Variants in SLC25A48 observed in about 807,000 individuals in gnomAD.
SLC25A48 encodes CTC-321K16.1.
In SLC25A48, 29 loss-of-function variants were observed where a neutral mutation model predicts 32.2. The ratio of observed to expected loss-of-function variants is 0.90; its 90% CI spans 0.67 to 1.23. The LOEUF (loss-of-function observed/expected upper bound fraction) is 1.23. SLC25A48 is among the 50% of genes most tolerant of loss of function. SLC25A48 has a pLI of 0.00. For synonymous variants in SLC25A48, 164 were observed against 172.3 expected, an observed-to-expected ratio of 0.95 and a Z score of 0.38; for missense variants, 399 against 422.7, an observed-to-expected ratio of 0.94 and a Z score of 0.49.
At chr5:135,678,402 T>C (rs1054134910) in intron 3 of SLC25A48, among the ~76,000 whole-genome samples, 5 of 152,200 alleles carry the variant, frequency 3.3e-5, no homozygotes, top group Non-Finnish European at 7.4e-5. Context: ...TCTATCTCTC[T>C]GGTAAATTTC....
At chr5:135,595,199 C>T (rs1396642297) in intron 1 of SLC25A48, among the ~76,000 whole-genome samples, 2 of 152,214 alleles carry the variant, frequency 1.3e-5, no homozygotes, top group Non-Finnish European at 2.9e-5. Flanking sequence ...TACCCTGCTC[C>T]ACTCTCATGC....
intron 3 of SLC25A48, among the ~76,000 whole-genome samples, chr5:135,782,866 C>T (rs559308387): frequency 8.5e-6 from 1 of 117,752 alleles, no homozygotes; most frequent in South Asian, 3.0e-4. Context: ...AATATCATAC[C>T]AGCTGTACAA....
chr5:135,645,491 C>T (rs951960610), intron 3 of SLC25A48, among the ~76,000 whole-genome samples: 13 of 152,070 alleles, frequency 8.5e-5, no homozygotes, highest in Admixed American at 4.6e-4. Context: ...AGCCACTAAG[C>T]GCAAAGCCTG....
intron 4 of SLC25A48, among the ~76,000 whole-genome samples, chr5:135,815,717 A>C (rs1161380001): frequency 6.6e-6 from 1 of 152,188 alleles, no homozygotes; most frequent in Non-Finnish European, 1.5e-5. Context: ...AGCCACATTC[A>C]CCAAGCCAGA....
chr5:135,888,169 G>T lies in SLC25A48; in HGVS notation c.*145G>T. On this transcript the variant is annotated 3_prime_UTR_variant, in exon 8 of 8. Coordinates refer to ENST00000681962, the MANE Select transcript of SLC25A48 (RefSeq NM_001349336.2). ...CGTGGGCTAGGATGGTGCAGACACT[G>T]ACGTGGCCCTTCTGATGCCTGGGAT... The T allele has an allele frequency of 7.3e-7, 1 of 1,366,030 alleles. No individual in the cohort carries two copies. The highest frequency in any genetic ancestry group is 1.0e-6 in the Non-Finnish European group (1 of 987,434). The allele number at this position is 1,366,030 out of a possible 1,614,324, so 84.6% of individuals were successfully genotyped here. A position where few individuals can be genotyped will look rare whatever the true frequency, so the allele number is the denominator to read the frequency against.
At chr5:135,860,766 G>A (rs549154475) in intron 4 of SLC25A48, among the ~76,000 whole-genome samples, 1 of 152,286 alleles carries the variant, frequency 6.6e-6, no homozygotes, top group South Asian at 2.1e-4. Flanking sequence ...CAGGGCTTTT[G>A]AGACTGATTG....
intron 6 of SLC25A48, among the ~76,000 whole-genome samples, chr5:135,879,370 C>T (rs6869653): frequency 0.096 from 14,673 of 152,058 alleles, 1,902 homozygotes; most frequent in African/African-American, 0.29. Context: ...TATTATTACC[C>T]GCCCCTTACA....
intron 3 of SLC25A48, among the ~76,000 whole-genome samples, chr5:135,743,364 G>A (rs1040711584): frequency 5.9e-5 from 9 of 151,732 alleles, no homozygotes; most frequent in African/African-American, 1.5e-4. Context: ...GAGCCACTAC[G>A]CTCAGCCTGG....
intron 3 of SLC25A48, among the ~76,000 whole-genome samples, chr5:135,713,284 G>T (rs1754714170): frequency 6.6e-6 from 1 of 152,288 alleles, no homozygotes; most frequent in Admixed American, 6.5e-5. Flanking sequence ...GCAGTATAAT[G>T]GCTTTCAACG....
At chr5:135,879,599 A>AGTGTGT (rs1435731336) in intron 6 of SLC25A48, among the ~76,000 whole-genome samples, 60 of 139,194 alleles carry the variant, frequency 4.3e-4, no homozygotes, top group Non-Finnish European at 7.1e-4. Context: ...AGAGAGAGAG[A>AGTGTGT]GAGAGAGAGA....
intron 3 of SLC25A48, among the ~76,000 whole-genome samples, chr5:135,663,070 C>T (rs1753442461): frequency 6.6e-6 from 1 of 152,320 alleles, no homozygotes; most frequent in East Asian, 1.9e-4. Context: ...AAGCCAAAGA[C>T]CTCAAGAGTC....
At position 135,606,188 on chromosome 5, in the gene SLC25A48, G is replaced by A. The variant is rs1038100060; in HGVS notation, c.-848-23049G>A. On this transcript the variant is annotated intron_variant, in intron 1 of 10. Transcript: ENST00000646290. ...ATTTGGACTGGCTCCTGCTCTACCA[G>A]GCTTACCTTTTTCTTCCACATAAAA... 2.0e-5 allele frequency among the ~76,000 whole-genome samples: 3 copies of A among 152,086 alleles called. No homozygotes were observed. The East Asian group carries it at 5.8e-4, about 29-fold the overall frequency.
At chr5:135,686,623 C>T (rs186438270) in intron 3 of SLC25A48, among the ~76,000 whole-genome samples, 83 of 152,336 alleles carry the variant, frequency 5.4e-4, no homozygotes, top group South Asian at 1.7e-3. Flanking sequence ...AGGGGCACTG[C>T]GTCTCTCCCC....
chr5:135,660,333 C>T (rs1400352569), intron 3 of SLC25A48, among the ~76,000 whole-genome samples: 1 of 152,216 alleles, frequency 6.6e-6, no homozygotes, highest in African/African-American at 2.4e-5. Flanking sequence ...AATCCAACCC[C>T]ACCCAACTCT....
intron 3 of SLC25A48, among the ~76,000 whole-genome samples, chr5:135,703,435 A>G (rs1054517594): frequency 2.0e-5 from 3 of 152,188 alleles, no homozygotes; most frequent in Admixed American, 2.0e-4. Context: ...CCAAGGCCAT[A>G]CACTTGCTTA....
intron 3 of SLC25A48, among the ~76,000 whole-genome samples, chr5:135,799,767 C>G (rs1261161971): frequency 6.6e-6 from 1 of 151,740 alleles, no homozygotes; most frequent in Non-Finnish European, 1.5e-5. Context: ...AGGGAGTGTT[C>G]ATCCCCACTT....
At chr5:135,723,374 T>TCACACACACACA (rs1405889111) in intron 3 of SLC25A48, among the ~76,000 whole-genome samples, 1 of 50,772 alleles carries the variant, frequency 2.0e-5, no homozygotes, top group Non-Finnish European at 6.1e-5. Context: ...TCTCTCTCTC[T>TCACACACACACA]CTCTCTCACA....
intron 1 of SLC25A48, among the ~76,000 whole-genome samples, chr5:135,622,611 T>G (rs1254863351): frequency 6.6e-6 from 1 of 152,134 alleles, no homozygotes; most frequent in Non-Finnish European, 1.5e-5. Flanking sequence ...TAATTAAAAA[T>G]AATCAGAGAC....
At chr5:135,753,998 C>T (rs567321258) in intron 3 of SLC25A48, among the ~76,000 whole-genome samples, 19 of 151,534 alleles carry the variant, frequency 1.3e-4, no homozygotes, top group Non-Finnish European at 2.6e-4. Context: ...ACAGGGTGTA[C>T]GCACAGGCTG....
Sources: gnomAD v4.1 joint callset for allele counts (sites outside exome capture counted in the v4.1 genomes callset) on GRCh38, gnomAD v4.1.1 for gene constraint, MANE v1.5 for transcripts, NCBI Gene and HGNC (gene_info 2026-07-23, HGNC 2026-07-21) for gene names.